Variants in TMEM178B observed in about 807,000 individuals in gnomAD.
TMEM178B encodes transmembrane protein 178B.
TMEM178B carries 5 observed loss-of-function variants against 31.0 expected under a neutral mutation model. That is an observed-to-expected ratio of 0.16 (90% confidence interval 0.08 to 0.34). The LOEUF is 0.34. Ranked by LOEUF, TMEM178B falls within the 10% of genes least tolerant of loss-of-function variation. The probability of loss-of-function intolerance (pLI) is 1.00; values close to 1 mark genes in which losing one functional copy is unlikely to be tolerated. For missense variants in TMEM178B, 275 were observed against 400.3 expected, an observed-to-expected ratio of 0.69 and a Z score of 2.67; for synonymous variants, 164 against 164.0, an observed-to-expected ratio of 1.00 and a Z score of 0.00.
chr7:141,268,698 C>T (rs949923504), intron 2 of TMEM178B, among the ~76,000 whole-genome samples: 7 of 152,074 alleles, frequency 4.6e-5, no homozygotes, highest in South Asian at 2.1e-4. Flanking sequence ...AGCATTTTTT[C>T]GAAGAATTGT....
At chr7:141,229,630 G>C (rs1234106598) in intron 2 of TMEM178B, among the ~76,000 whole-genome samples, 2 of 152,016 alleles carry the variant, frequency 1.3e-5, no homozygotes, top group Admixed American at 6.6e-5. Flanking sequence ...ATAATCAATA[G>C]GCAAATTACA....
intron 2 of TMEM178B, among the ~76,000 whole-genome samples, chr7:141,319,963 C>T: frequency 6.6e-6 from 1 of 152,108 alleles, no homozygotes; most frequent in Non-Finnish European, 1.5e-5. Flanking sequence ...GCTCTGTGTC[C>T]TCACCAAATC....
intron 1 of TMEM178B, among the ~76,000 whole-genome samples, chr7:141,151,841 G>C (rs553094030): frequency 4.6e-5 from 7 of 152,280 alleles, no homozygotes; most frequent in African/African-American, 7.2e-5. Flanking sequence ...TCAGCTACAG[G>C]GGGGGTGCCC....
the TMEM178B span, among the ~76,000 whole-genome samples, chr7:141,507,028 G>A: frequency 7.2e-5 from 11 of 152,296 alleles, no homozygotes; most frequent in African/African-American, 2.6e-4. Flanking sequence ...GATACAAGAG[G>A]TGGGTTACCA....
intron 1 of TMEM178B, among the ~76,000 whole-genome samples, chr7:141,145,320 T>C (rs1795834280): frequency 6.6e-6 from 1 of 152,192 alleles, no homozygotes; most frequent in Non-Finnish European, 1.5e-5. Context: ...CTGCTCTCTT[T>C]GGCCTCAGAT....
rs1794555675 is a variant in TMEM178B, at chr7:141,074,195, G to A, written c.-116G>A. On this transcript the variant is annotated 5_prime_UTR_variant, in exon 1 of 4. Coordinates refer to ENST00000565468, the MANE Select transcript of TMEM178B (RefSeq NM_001195278.2). The surrounding 1 kb of genome is among the most constrained non-coding windows in gnomAD (Gnocchi z 5.1). ...GGGGGCCGAGGGGGCGCCGCGGCGC[G>A]AGTCCCTCTCCTGCCCCCTCCCCCA... The A allele has an allele frequency of 3.7e-6, 5 of 1,368,172 alleles. No homozygotes were observed. Among genetic ancestry groups the A allele is most frequent in the Non-Finnish European group, 4.7e-6 (5 of 1,053,336 alleles). The allele number at this position is 1,368,172 out of a possible 1,614,324, so 84.8% of individuals were successfully genotyped here. A position where few individuals can be genotyped will look rare whatever the true frequency, so the allele number is the denominator to read the frequency against.
chr7:141,179,867 T>G (rs1796491277), intron 1 of TMEM178B, among the ~76,000 whole-genome samples: 1 of 152,196 alleles, frequency 6.6e-6, no homozygotes, highest in African/African-American at 2.4e-5. Flanking sequence ...TACTCTCCCT[T>G]CTGTAGCCTT....
chr7:141,220,996 A>G (rs1195420062), intron 2 of TMEM178B, among the ~76,000 whole-genome samples: 1 of 152,246 alleles, frequency 6.6e-6, no homozygotes. Context: ...ATGTTTAAAC[A>G]TTTAAGACTA....
rs1478862751 is a variant in TMEM178B, at chr7:141,478,643, A to G, written c.*7857A>G. 3 of 152,260 alleles carry G rather than the reference A, an allele frequency of 2.0e-5. No individual in the cohort carries two copies. Among genetic ancestry groups the G allele is most frequent in the Non-Finnish European group, 4.4e-5 (3 of 68,046 alleles). The allele number at this position is 152,260 out of a possible 1,614,324, so 9.4% of individuals were successfully genotyped here. On this transcript the variant is annotated 3_prime_UTR_variant, in exon 4 of 4. Coordinates refer to ENST00000565468, the MANE Select transcript of TMEM178B (RefSeq NM_001195278.2). ...AACATGTCAAAAATAGTATCACTTC[A>G]GCATGGAATCAATATAAAAATTACT...
chr7:141,209,328 A>C (rs899939203), intron 1 of TMEM178B, among the ~76,000 whole-genome samples: 1 of 152,192 alleles, frequency 6.6e-6, no homozygotes, highest in Non-Finnish European at 1.5e-5. Context: ...GTGATTAATA[A>C]GCCTCTCCTT....
intron 1 of TMEM178B, among the ~76,000 whole-genome samples, chr7:141,121,418 A>G (rs1308802406): frequency 6.6e-6 from 1 of 152,166 alleles, no homozygotes; most frequent in Non-Finnish European, 1.5e-5. Context: ...TCTTTCTTCC[A>G]GCTTGAGTTA....
intron 1 of TMEM178B, among the ~76,000 whole-genome samples, chr7:141,201,342 C>T (rs934664352): frequency 3.3e-5 from 5 of 152,156 alleles, no homozygotes; most frequent in African/African-American, 9.7e-5. Context: ...GAAAGATTCT[C>T]AACCGCAGAC....
chr7:141,386,652 A>G (rs1020256137), intron 2 of TMEM178B, among the ~76,000 whole-genome samples: 1 of 152,160 alleles, frequency 6.6e-6, no homozygotes, highest in Non-Finnish European at 1.5e-5. Flanking sequence ...GGGGGATGTC[A>G]TGAGTACTTT....
At chr7:141,089,849 A>G (rs1170585919) in intron 1 of TMEM178B, among the ~76,000 whole-genome samples, 1 of 151,420 alleles carries the variant, frequency 6.6e-6, no homozygotes, top group African/African-American at 2.4e-5. Flanking sequence ...ATCACACACC[A>G]GGGCCTGTTG....
chr7:141,119,753 A>G (rs10952447), intron 1 of TMEM178B, among the ~76,000 whole-genome samples: 46,643 of 151,964 alleles, frequency 0.31, 7,673 homozygotes, highest in South Asian at 0.47. Flanking sequence ...GAGAGAAGGC[A>G]ATGAGGCCCT....
intron 2 of TMEM178B, chr7:141,415,309 C>T (rs1230433631): frequency 2.0e-5 from 3 of 152,706 alleles, no homozygotes; most frequent in African/African-American, 4.8e-5. Context: ...GAAAGACAGA[C>T]TCTGGGGAGT....
At chr7:141,113,669 T>C (rs1354424573) in intron 1 of TMEM178B, among the ~76,000 whole-genome samples, 2 of 152,178 alleles carry the variant, frequency 1.3e-5, no homozygotes, top group Non-Finnish European at 2.9e-5. Flanking sequence ...CCTCTTGATG[T>C]CTACCTTGCA....
chr7:141,353,195 C>T (rs975177247), intron 2 of TMEM178B, among the ~76,000 whole-genome samples: 3 of 152,178 alleles, frequency 2.0e-5, no homozygotes, highest in African/African-American at 4.8e-5. Context: ...GCCAACATAT[C>T]GGCTGAGTTC....
chr7:141,206,707 G>C (rs887642), intron 1 of TMEM178B, among the ~76,000 whole-genome samples: 100,567 of 152,018 alleles, frequency 0.66, 33,719 homozygotes, highest in Middle Eastern at 0.7. Flanking sequence ...TGCCAGCCCC[G>C]GGTCCTTTAC....
Sources: gnomAD v4.1 joint callset for allele counts (sites outside exome capture counted in the v4.1 genomes callset) on GRCh38, gnomAD v4.1.1 for gene constraint, Gnocchi (gnomAD v3.1) non-coding constraint, MANE v1.5 for transcripts, NCBI Gene and HGNC (gene_info 2026-07-23, HGNC 2026-07-21) for gene names.